Variants in SCN7A observed in about 807,000 individuals in gnomAD.
SCN7A encodes sodium channel protein type 7 subunit alpha.
Under a neutral mutation model 155.2 loss-of-function variants are expected in SCN7A, and 138 were observed. The observed-to-expected ratio is 0.89, with a 90% CI of 0.77 to 1.02. The LOEUF (loss-of-function observed/expected upper bound fraction) is 1.02. Ranked by LOEUF, SCN7A falls within the 50% of genes least tolerant of loss-of-function variation. SCN7A has a pLI of 0.00. For missense variants in SCN7A, 2,058 were observed against 1,986.6 expected (o/e 1.04, Z -0.68); for synonymous variants, 693 against 649.0 (o/e 1.07, Z -1.03).
At chr2:166,474,191 CAGTTT>C (rs1405663058) in intron 4 of SCN7A, 30 bp downstream of exon 4, 5 of 974,004 alleles carry the variant, frequency 5.1e-6, no homozygotes, top group Non-Finnish European at 7.4e-6. Context: ...AATGTCAGCA[CAGTTT>C]AAAGTCAACA....
At chr2:166,469,568 G>A (rs1702609385) in intron 7 of SCN7A, among the ~76,000 whole-genome samples, 1 of 151,570 alleles carries the variant, frequency 6.6e-6, no homozygotes, top group Non-Finnish European at 1.5e-5. Flanking sequence ...AAAAAAGAGT[G>A]AGAGGTCCCT....
At chr2:166,430,020 C>T (rs928514568) in intron 16 of SCN7A, among the ~76,000 whole-genome samples, 5 of 151,610 alleles carry the variant, frequency 3.3e-5, no homozygotes, top group African/African-American at 9.7e-5. Context: ...ATAAGGATAC[C>T]GTAAATCATT....
chr2:166,435,422 T>TAA (rs10624111), intron 15 of SCN7A, among the ~76,000 whole-genome samples: 105,467 of 151,670 alleles, frequency 0.7, 36,789 homozygotes, highest in African/African-American at 0.75. Context: ...ATTTTTGCGT[T>TAA]GAGAGAAAAG....
chr2:166,462,319 T>G, intron 10 of SCN7A, 70 bp downstream of exon 10: 1 of 1,448,982 alleles, frequency 6.9e-7, no homozygotes, highest in Non-Finnish European at 9.2e-7. Context: ...TATATTACAT[T>G]TGACCATTAT....
At chr2:166,443,186 G>A (rs1336055136) in intron 14 of SCN7A, among the ~76,000 whole-genome samples, 1 of 152,022 alleles carries the variant, frequency 6.6e-6, no homozygotes, top group Admixed American at 6.6e-5. Flanking sequence ...GCTTCTTGGT[G>A]ACATATTAGA....
At chr2:166,439,106 T>G in intron 15 of SCN7A, among the ~76,000 whole-genome samples, 1 of 144,674 alleles carries the variant, frequency 6.9e-6, no homozygotes, top group Admixed American at 7.0e-5. Flanking sequence ...TTCTTTCTCT[T>G]TGAATTATGT....
At chr2:166,407,970 T>C (rs1701111946) in intron 25 of SCN7A, among the ~76,000 whole-genome samples, 1 of 151,928 alleles carries the variant, frequency 6.6e-6, no homozygotes, top group African/African-American at 2.4e-5. Flanking sequence ...GAATATGTGG[T>C]GTTTGGATTT....
intron 19 of SCN7A, among the ~76,000 whole-genome samples, chr2:166,421,615 AGATT>A (rs1389550344): frequency 6.6e-6 from 1 of 151,988 alleles, no homozygotes; most frequent in Non-Finnish European, 1.5e-5. Context: ...GTTTGAAATT[AGATT>A]AAGAATCAGT....
rs573398806 is a variant in SCN7A at position 166,477,493 on chromosome 2, A to G, written c.204T>C (p.Asp68=). 1 of 1,548,856 alleles carries G rather than the reference A, an allele frequency of 6.5e-7. No homozygotes were observed. The highest frequency in any genetic ancestry group is 2.0e-5 in the Admixed American group (1 of 50,352). ...TTTTCTTGTAGTAATATGGGTCCAC[A>G]TCTTCCAAGGGCTCTGACACCATTC... ...SQGMVSEPLE[D]VDPYYYKKKN... is the part of the protein sequence containing the mutation. The change falls in exon 3 of 26, where the codon GAT becomes GAC. Residue 68 remains aspartate, a synonymous_variant. Coordinates refer to ENST00000643258, the MANE Select transcript of SCN7A (RefSeq NM_002976.4).
Position 166,413,074 on chromosome 2 carries a change from A to G in SCN7A, c.3462T>C (p.Ser1154=). The G allele has an allele frequency of 6.5e-7, 1 of 1,531,114 alleles. No homozygotes were observed. The highest frequency in any genetic ancestry group is 8.8e-7 in the Non-Finnish European group (1 of 1,137,492). The allele number at this position is 1,531,114 out of a possible 1,614,324, so 94.8% of individuals were successfully genotyped here. ...WITIMNSAID[S]VAVNIQPHFE... The stretch of plus-strand genomic sequence containing the variant: ...AAAATGATATTATACTTACAGCAAC[A>G]GAATCAATTGCTGAATTCATAATAG... Residue 1154 remains serine, a synonymous_variant, in exon 22 of 26, where the codon TCT becomes TCC. Transcript: ENST00000643258.
chr2:166,425,534 A>C (rs1050395970), intron 18 of SCN7A, among the ~76,000 whole-genome samples: 4 of 152,058 alleles, frequency 2.6e-5, no homozygotes, highest in Non-Finnish European at 5.9e-5. Context: ...GCTAAAATCG[A>C]GGTGATGAGA....
chr2:166,449,113 T>C (rs1387684339), intron 11 of SCN7A, among the ~76,000 whole-genome samples: 1 of 152,214 alleles, frequency 6.6e-6, no homozygotes, highest in African/African-American at 2.4e-5. Flanking sequence ...CCAGGCTTTG[T>C]TGTAGATATT....
In SCN7A at chr2:166,477,583, T is replaced by C. The variant is rs1399010348; in HGVS notation, c.114A>G (p.Leu38=). The part of the protein sequence containing the change: ...THNEDHEEED[L]KPTPDLEVGK... Reference sequence around the variant, plus strand: ...CAACTTCCAAATCAGGAGTTGGCTTTAAGTCTTCTTCTTCATGGTCTTCAT... The same window carrying C: ...CAACTTCCAAATCAGGAGTTGGCTTCAAGTCTTCTTCTTCATGGTCTTCAT... Residue 38 remains leucine, a synonymous_variant, in exon 3 of 26, where the codon TTA becomes TTG. Transcript: ENST00000643258. 2 of 1,589,652 alleles carry C rather than the reference T, an allele frequency of 1.3e-6. No homozygotes were observed. The highest frequency in any genetic ancestry group is 1.7e-6 in the Non-Finnish European group (2 of 1,166,056).
chr2:166,465,692 A>C, intron 8 of SCN7A, 89 bp downstream of exon 8: 1 of 1,428,370 alleles, frequency 7.0e-7, no homozygotes, highest in Non-Finnish European at 9.8e-7. Flanking sequence ...GAATCTAACA[A>C]AATGTTGAGT....
chr2:166,472,330 C>G lies in SCN7A; in HGVS notation c.559G>C (p.Val187Leu). The G allele has an allele frequency of 6.2e-7, 1 of 1,605,244 alleles. No individual in the cohort carries two copies. Among genetic ancestry groups the G allele is most frequent in the South Asian group, 1.1e-5 (1 of 89,704 alleles). The part of the protein sequence containing the change: ...GDPWNWLDFS[V>L]TVFEVIIRYS... ...AGAAATACTCACTCAAACACAGTTA[C>G]GCTGAAATCGAGCCAGTTCCATGGA... Residue 187 changes from valine to leucine, a missense_variant, in exon 6 of 26, where the codon GTA becomes CTA. Physicochemically the swap from Val to Leu is conservative, Grantham distance 32. Transcript: ENST00000643258.
At chr2:166,483,007 A>G (rs534148251) in intron 2 of SCN7A, among the ~76,000 whole-genome samples, 1 of 152,180 alleles carries the variant, frequency 6.6e-6, no homozygotes, top group South Asian at 2.1e-4. Context: ...TTCTTTCTGA[A>G]AAATTGAATA....
intron 15 of SCN7A, among the ~76,000 whole-genome samples, chr2:166,439,032 CAT>C (rs1467736969): frequency 3.7e-4 from 40 of 106,962 alleles, no homozygotes; most frequent in African/African-American, 1.5e-3. Context: ...CATACACACA[CAT>C]ACATATATGT....
Position 166,412,667 on chromosome 2 carries a change from C to T in SCN7A, c.3469G>A (p.Val1157Ile). The change falls in exon 23 of 26, where the codon GTT becomes ATT. Residue 1157 changes from valine to isoleucine, a missense_variant and splice_region_variant. Val to Ile is a conservative substitution (Grantham distance 29). Coordinates refer to ENST00000643258, the MANE Select transcript of SCN7A (RefSeq NM_002976.4). The part of the protein sequence containing the change: ...IMNSAIDSVA[V>I]NIQPHFEVNI... ...ACTTCAAAATGAGGCTGTATATTAA[C>T]CTAGAAGTTTAAAATAAGCAAATTA... The T allele has an allele frequency of 2.7e-6, 4 of 1,485,086 alleles. No individual in the cohort carries two copies. Among genetic ancestry groups the T allele is most frequent in the Non-Finnish European group, 3.6e-6 (4 of 1,124,570 alleles). The allele number at this position is 1,485,086 out of a possible 1,614,324, so 92.0% of individuals were successfully genotyped here.
intron 1 of SCN7A, among the ~76,000 whole-genome samples, chr2:166,493,678 C>A (rs1335296065): frequency 1.3e-5 from 2 of 152,166 alleles, no homozygotes; most frequent in South Asian, 2.1e-4. Context: ...TATAGGGTTT[C>A]TAGAATTTTA....
Sources: gnomAD v4.1 joint callset for allele counts (sites outside exome capture counted in the v4.1 genomes callset) on GRCh38, gnomAD v4.1.1 for gene constraint, MANE v1.5 for transcripts, NCBI Gene and HGNC (gene_info 2026-07-23, HGNC 2026-07-21) for gene names.